LINGO1: variants seen among roughly 807,000 people sequenced by gnomAD.
The protein encoded by LINGO1 is leucine-rich repeat and immunoglobulin-like domain-containing nogo receptor-interacting protein 1.
LINGO1 carries 11 observed loss-of-function variants against 37.3 expected under a neutral mutation model. That is an observed-to-expected ratio of 0.29 (90% CI 0.19 to 0.49). LINGO1 has a LOEUF of 0.49. Ranked by LOEUF, LINGO1 falls within the 20% of genes least tolerant of loss-of-function variation. LINGO1 has a pLI of 0.99. For synonymous variants in LINGO1, 387 were observed against 403.0 expected (o/e 0.96, Z 0.48); for missense variants, 585 against 878.2 (o/e 0.67, Z 4.22).
intron 1 of LINGO1, among the ~76,000 whole-genome samples, chr15:77,621,575 G>A (rs920619913): frequency 2.0e-5 from 3 of 151,924 alleles, no homozygotes; most frequent in Non-Finnish European, 2.9e-5. Context: ...GCCAGGCCAG[G>A]GGAGGGGCTG....
intron 3 of LINGO1, among the ~76,000 whole-genome samples, chr15:77,642,504 G>A (rs2074530744): frequency 6.6e-6 from 1 of 152,256 alleles, no homozygotes; most frequent in African/African-American, 2.4e-5. Flanking sequence ...TCTCTGAGAT[G>A]TTCCCTTCCA....
chr15:77,685,929 G>C (rs1441063653), intron 2 of LINGO1, among the ~76,000 whole-genome samples: 1 of 152,178 alleles, frequency 6.6e-6, no homozygotes. Context: ...GCAGGAGGCA[G>C]AGCCCCACGA....
intron 1 of LINGO1, among the ~76,000 whole-genome samples, chr15:77,766,356 C>T (rs1478457909): frequency 3.8e-5 from 5 of 133,104 alleles, no homozygotes; most frequent in Admixed American, 7.5e-5. Context: ...AAGAAATGGG[C>T]AATGCAGACA....
At chr15:77,741,649 C>T (rs1429809617) in intron 1 of LINGO1, among the ~76,000 whole-genome samples, 2 of 152,224 alleles carry the variant, frequency 1.3e-5, no homozygotes, top group African/African-American at 4.8e-5. Flanking sequence ...AAAAACAAAA[C>T]CGCTTGACCT....
Position 77,705,286 on chromosome 15 carries a change from A to G in LINGO1, c.-194-14385T>C, listed in dbSNP as rs562904978. ...TTCCCTGACCACAACTCCACAACCC[A>G]AGCCCTGGAGATGCTCCTTGGCTCC... On this transcript the variant is annotated intron_variant, in intron 2 of 3. Transcript: ENST00000561686. 2.6e-5 allele frequency among the ~76,000 whole-genome samples: 4 copies of G among 151,586 alleles called. No individual in the cohort carries two copies. In the South Asian group the frequency reaches 8.4e-4, roughly 32 times the overall value.
chr15:77,654,596 G>A (rs983586073), intron 3 of LINGO1, among the ~76,000 whole-genome samples: 4 of 152,004 alleles, frequency 2.6e-5, no homozygotes, highest in East Asian at 1.9e-4. Context: ...GTGGCCCACC[G>A]GAGATGCTAG....
At chr15:77,706,391 A>G (rs1420034272) in intron 2 of LINGO1, among the ~76,000 whole-genome samples, 1 of 152,082 alleles carries the variant, frequency 6.6e-6, no homozygotes, top group African/African-American at 2.4e-5. Flanking sequence ...TTGAACCCTA[A>G]GTTAGATTAG....
intron 1 of LINGO1, among the ~76,000 whole-genome samples, chr15:77,776,612 G>A (rs1230140135): frequency 6.6e-6 from 1 of 151,844 alleles, no homozygotes; most frequent in African/African-American, 2.4e-5. Context: ...CAGGCCCTTT[G>A]CATATCAGCC....
chr15:77,797,458 G>T (rs2076882782), intron 1 of LINGO1, among the ~76,000 whole-genome samples: 1 of 152,238 alleles, frequency 6.6e-6, no homozygotes, highest in South Asian at 2.1e-4. Context: ...ATTTCCGGAT[G>T]TGTGCTTGGG....
intron 3 of LINGO1, chr15:77,651,520 A>C (rs1206529854): frequency 1.3e-5 from 2 of 152,230 alleles, no homozygotes; most frequent in Admixed American, 1.3e-4. Flanking sequence ...AAAAGCCTAA[A>C]TTTGTATCAA....
Position 77,615,853 on chromosome 15 carries a change from G to A in LINGO1, c.54C>T (p.Pro18=), listed in dbSNP as rs1202617772. 7 of 1,494,116 alleles carry A rather than the reference G, an allele frequency of 4.7e-6. No homozygotes were observed. Among genetic ancestry groups the A allele is most frequent in the South Asian group, 1.3e-5 (1 of 75,166 alleles). The allele number at this position is 1,494,116 out of a possible 1,614,324, so 92.6% of individuals were successfully genotyped here. The change falls in exon 2 of 2, where the codon CCC becomes CCT. Residue 18 remains proline, a synonymous_variant. Coordinates refer to ENST00000355300, the MANE Select transcript of LINGO1 (RefSeq NM_032808.7). ...GGATGGGCTGCCAGCAGGCCAGGAG[G>A]GGGCTGGGCATGCTCCTCACGCCCC... ...LAGGVRSMPS[P]LLACWQPILL...
chr15:77,680,339 C>T (rs1456724538), intron 2 of LINGO1, among the ~76,000 whole-genome samples: 1 of 152,160 alleles, frequency 6.6e-6, no homozygotes, highest in African/African-American at 2.4e-5. Context: ...CAGAGAGTAC[C>T]GGTTAGTGCA....
Position 77,753,785 on chromosome 15 carries a change from T to C in LINGO1, c.-256-18732A>G, listed in dbSNP as rs115756179. Among the ~76,000 whole-genome samples the C allele has an allele frequency of 8.6e-3, 1,306 of 152,316 alleles. 19 individuals carry two copies. The highest frequency in any genetic ancestry group is 0.03 in the African/African-American group (1,227 of 41,576). Reference sequence around the variant, plus strand: ...CACACAAACACACACACGATGTTTATCTAAACAACGTATGGCAGAGCCTTA... The same window carrying C: ...CACACAAACACACACACGATGTTTACCTAAACAACGTATGGCAGAGCCTTA... On this transcript the variant is annotated intron_variant, in intron 1 of 3. Coordinates refer to the LINGO1 transcript ENST00000561686.
intron 1 of LINGO1, among the ~76,000 whole-genome samples, chr15:77,759,977 G>T (rs1356964879): frequency 6.6e-6 from 1 of 152,232 alleles, no homozygotes; most frequent in African/African-American, 2.4e-5. Context: ...CGGAGGGAGG[G>T]GATGTGGCCC....
chr15:77,701,097 A>C (rs140959266), upstream of LINGO1, among the ~76,000 whole-genome samples: 74 of 152,334 alleles, frequency 4.9e-4, no homozygotes, highest in Non-Finnish European at 9.6e-4. Context: ...GCTCTGAGGC[A>C]TATGTCCCTT....
At chr15:77,756,662 T>C (rs989352619) in intron 1 of LINGO1, among the ~76,000 whole-genome samples, 2 of 152,262 alleles carry the variant, frequency 1.3e-5, no homozygotes, top group African/African-American at 4.8e-5. Flanking sequence ...TCTAACTGTC[T>C]GGCTTTCAAT....
At chr15:77,790,463 C>G (rs1289485711), upstream of LINGO1, among the ~76,000 whole-genome samples, 1 of 152,226 alleles carries the variant, frequency 6.6e-6, no homozygotes, top group East Asian at 1.9e-4. Flanking sequence ...AACAGACACA[C>G]AGAGGGGCTG....
chr15:77,672,000 G>GCCGCCGCCTCCTCCTCCTCCTCCTCCT (rs1344106118), intron 3 of LINGO1, among the ~76,000 whole-genome samples: 4 of 145,570 alleles, frequency 2.7e-5, no homozygotes, highest in African/African-American at 1.1e-4. Context: ...ATGAGCCTCT[G>GCCGCCGCCTCCTCCTCCTCCTCCTCCT]CCTCCTCCTC....
chr15:77,790,810 A>G (rs1596234607), upstream of LINGO1, among the ~76,000 whole-genome samples: 1 of 152,264 alleles, frequency 6.6e-6, no homozygotes. Flanking sequence ...CAGCTCAGTC[A>G]GTATAAGGAA....
Sources: gnomAD v4.1 joint callset for allele counts (sites outside exome capture counted in the v4.1 genomes callset) on GRCh38, gnomAD v4.1.1 for gene constraint, MANE v1.5 for transcripts, NCBI Gene and HGNC (gene_info 2026-07-23, HGNC 2026-07-21) for gene names.